The following NECTIN3 variants were observed in gnomAD, a reference collection of about 807,000 sequenced individuals.
NECTIN3 encodes nectin cell adhesion molecule 3, also known as nectin-3.
In NECTIN3, 8 loss-of-function variants were observed where a neutral mutation model predicts 49.4. The ratio of observed to expected loss-of-function variants is 0.16; its 90% CI spans 0.10 to 0.29. The LOEUF (loss-of-function observed/expected upper bound fraction) is 0.29, where lower values mean the gene tolerates loss of function less well. Ranked by LOEUF, NECTIN3 falls within the 10% of genes least tolerant of loss-of-function variation. The probability of loss-of-function intolerance (pLI) is 1.00; values close to 1 mark genes in which losing one functional copy is unlikely to be tolerated. For missense variants in NECTIN3, 581 were observed against 654.6 expected (o/e 0.89, Z 1.23); for synonymous variants, 277 against 241.1 (o/e 1.15, Z -1.38).
intron 1 of NECTIN3, among the ~76,000 whole-genome samples, chr3:111,104,134 AG>A (rs1300679668): frequency 6.6e-6 from 1 of 152,182 alleles, no homozygotes; most frequent in Non-Finnish European, 1.5e-5. Flanking sequence ...CCAGCAATGT[AG>A]GAGAGTTCTA....
In NECTIN3 at chr3:111,072,157, TGCTCTTCTCCAG is replaced by T; in HGVS notation, c.146_157del (p.Phe49_Leu52del). The T allele has an allele frequency of 6.4e-7, 1 of 1,554,572 alleles. No individual in the cohort carries two copies. Among genetic ancestry groups the T allele is most frequent in the Non-Finnish European group, 8.7e-7 (1 of 1,149,708 alleles). Reference sequence around the variant, plus strand: ...CTGCTGCTGCTGCTCTTCCCGCTGCTGCTCTTCTCCAGGCTCTGTGGTAGGTGAACCTCGGCG... The same window carrying T: ...CTGCTGCTGCTGCTCTTCCCGCTGCTGCTCTGTGGTAGGTGAACCTCGGCG... On this transcript the variant is annotated inframe_deletion, in exon 1 of 6. Coordinates refer to ENST00000485303, the MANE Select transcript of NECTIN3 (RefSeq NM_015480.3).
chr3:111,188,085 A>G (rs1436188361), upstream of NECTIN3, among the ~76,000 whole-genome samples: 1 of 152,232 alleles, frequency 6.6e-6, no homozygotes, highest in African/African-American at 2.4e-5. Context: ...CTGTGAACTT[A>G]AAACCACTAA....
At chr3:111,138,213 A>G (rs1359594415), downstream of NECTIN3, among the ~76,000 whole-genome samples, 2 of 151,542 alleles carry the variant, frequency 1.3e-5, no homozygotes, top group African/African-American at 4.8e-5. Flanking sequence ...GTGATGCATC[A>G]CTTTGTTTCC....
intron 7 of NECTIN3, among the ~76,000 whole-genome samples, chr3:111,176,910 G>A (rs1471245536): frequency 2.6e-5 from 4 of 152,088 alleles, no homozygotes; most frequent in Non-Finnish European, 5.9e-5. Context: ...TCTTTCAATA[G>A]GAAGGAATAT....
At chr3:111,156,202 C>T (rs890704949) in intron 7 of NECTIN3, among the ~76,000 whole-genome samples, 1 of 152,146 alleles carries the variant, frequency 6.6e-6, no homozygotes, top group Non-Finnish European at 1.5e-5. Flanking sequence ...AGATACTTCT[C>T]TAGTACTCTG....
rs890773026 is a variant in NECTIN3 at position 111,147,635 on chromosome 3, A to G, written c.1221+151A>G. 4.6e-5 allele frequency among the ~76,000 whole-genome samples: 7 copies of G among 152,332 alleles called. No homozygotes were observed. The East Asian group carries it at 1.3e-3, about 29-fold the overall frequency. ...ATTAAATGTTGTTTAGTCATTATGC[A>G]TTAAAGATTACATAGCAATACCTAA... On this transcript the variant is annotated intron_variant, in intron 7 of 8. Coordinates refer to the NECTIN3 transcript ENST00000493615.
In NECTIN3 at chr3:111,105,711, G is replaced by A. The variant is rs551419899; in HGVS notation, c.161-6319G>A. On this transcript the variant is annotated intron_variant, in intron 1 of 5. Transcript: ENST00000485303. ...TTTTCTTGCTTGATTGTACTGGCTA[G>A]AACCTTCAGTACAATTTTGGATATA... 2.0e-3 allele frequency among the ~76,000 whole-genome samples: 309 copies of A among 152,196 alleles called. 1 individual carries two copies. The highest frequency in any genetic ancestry group is 7.2e-3 in the African/African-American group (297 of 41,526).
At position 111,168,258 on chromosome 3, in the gene NECTIN3, GA is replaced by G. The variant is rs1331033988; in HGVS notation, c.1221+20775del. ...TAGGAATCTGCGAAGGCTTTGCAAA[GA>G]GAGAGAGTAATTTGAAGTAGGTTTT... On this transcript the variant is annotated intron_variant, in intron 7 of 8. Coordinates refer to the NECTIN3 transcript ENST00000493615. 2.6e-5 allele frequency among the ~76,000 whole-genome samples: 4 copies of G among 152,258 alleles called. No homozygotes were observed. The East Asian group carries it at 7.7e-4, about 29-fold the overall frequency.
intron 1 of NECTIN3, among the ~76,000 whole-genome samples, chr3:111,082,105 T>C (rs1045005090): frequency 1.3e-4 from 20 of 152,140 alleles, no homozygotes; most frequent in African/African-American, 3.6e-4. Context: ...GTAGATGATA[T>C]GGTGTTTGGA....
At chr3:111,094,443 G>A in intron 1 of NECTIN3, among the ~76,000 whole-genome samples, 1 of 152,104 alleles carries the variant, frequency 6.6e-6, no homozygotes, top group Non-Finnish European at 1.5e-5. Flanking sequence ...TCAGTGCTGT[G>A]AGGAGTTATT....
chr3:111,174,188 C>G (rs2035483096), intron 7 of NECTIN3, among the ~76,000 whole-genome samples: 1 of 152,172 alleles, frequency 6.6e-6, no homozygotes, highest in Non-Finnish European at 1.5e-5. Flanking sequence ...CTCTTCACAG[C>G]TTATGTTGAT....
At chr3:111,182,405 A>G (rs1013746670) in intron 7 of NECTIN3, among the ~76,000 whole-genome samples, 1 of 152,056 alleles carries the variant, frequency 6.6e-6, no homozygotes, top group Non-Finnish European at 1.5e-5. Context: ...TTTCATTTCT[A>G]TAGTAACTAA....
At chr3:111,165,775 T>G (rs2035307468) in intron 7 of NECTIN3, among the ~76,000 whole-genome samples, 1 of 152,224 alleles carries the variant, frequency 6.6e-6, no homozygotes, top group African/African-American at 2.4e-5. Flanking sequence ...AGTTATAGAA[T>G]AATGAATTAG....
intron 1 of NECTIN3, among the ~76,000 whole-genome samples, chr3:111,094,214 A>G (rs2032453180): frequency 6.6e-6 from 1 of 152,076 alleles, no homozygotes; most frequent in African/African-American, 2.4e-5. Context: ...ATACTTTTAT[A>G]TCACTTGTAA....
At chr3:111,074,842 A>G (rs745926660) in intron 1 of NECTIN3, 1 of 151,950 alleles carries the variant, frequency 6.6e-6, no homozygotes, top group African/African-American at 2.4e-5. Flanking sequence ...CAATTCATAG[A>G]TGATTAGATT....
chr3:111,098,947 T>C (rs1158924001), intron 1 of NECTIN3, among the ~76,000 whole-genome samples: 5 of 150,524 alleles, frequency 3.3e-5, no homozygotes. Flanking sequence ...AAAAAAAAGA[T>C]GAGCAAACAA....
intron 1 of NECTIN3, among the ~76,000 whole-genome samples, chr3:111,103,088 C>G (rs895016193): frequency 6.6e-6 from 1 of 152,094 alleles, no homozygotes; most frequent in African/African-American, 2.4e-5. Context: ...AATGTAAGTC[C>G]TCTGACTTTG....
intron 7 of NECTIN3, among the ~76,000 whole-genome samples, chr3:111,150,015 AAAACATAT>A (rs2034967455): frequency 6.6e-6 from 1 of 152,072 alleles, no homozygotes; most frequent in African/African-American, 2.4e-5. Context: ...CTTTTTTAGG[AAAACATAT>A]ATAGTATTTT....
chr3:111,120,712 C>G (rs1038301452), intron 3 of NECTIN3, among the ~76,000 whole-genome samples: 1 of 152,104 alleles, frequency 6.6e-6, no homozygotes, highest in Non-Finnish European at 1.5e-5. Context: ...TCATGTGCTG[C>G]TAACTTAGTT....
Sources: gnomAD v4.1 joint callset for allele counts (sites outside exome capture counted in the v4.1 genomes callset) on GRCh38, gnomAD v4.1.1 for gene constraint, MANE v1.5 for transcripts, NCBI Gene and HGNC (gene_info 2026-07-23, HGNC 2026-07-21) for gene names.